Variants in COL4A4 observed in about 807,000 individuals in gnomAD.
The protein encoded by COL4A4 is collagen alpha-4(IV) chain.
Under a neutral mutation model 192.9 loss-of-function variants are expected in COL4A4, and 105 were observed. That is an observed-to-expected ratio of 0.54 (90% CI 0.46 to 0.64). COL4A4 has a LOEUF of 0.64. Among genes scored for constraint, COL4A4 ranks in the 30% least tolerant of loss-of-function variants. COL4A4 has a pLI of 0.00. For synonymous variants in COL4A4, 762 were observed against 769.9 expected (o/e 0.99, Z 0.17); for missense variants, 1,967 against 2,169.3 (o/e 0.91, Z 1.85).
rs1336268980 is a variant in COL4A4 at position 227,051,064 on chromosome 2, A to G, written c.3063T>C (p.Gly1021=). 1 of 1,614,082 alleles carries G rather than the reference A, an allele frequency of 6.2e-7. No individual in the cohort carries two copies. Among genetic ancestry groups the G allele is most frequent in the Non-Finnish European group, 8.5e-7 (1 of 1,180,018 alleles). ...CTGGGGGTCCAGGAGGCCCTGGCTG[A>G]CCTTTCTCACCAGGTTCCCCTCTGT... ...GFHRGEPGEK[G]QPGPPGPPGP... Residue 1021 remains glycine, a synonymous_variant, in exon 33 of 48, where the codon GGT becomes GGC. Transcript: ENST00000396625.
Position 227,047,024 on chromosome 2 carries a change from C to T in COL4A4, c.3289+451G>A, listed in dbSNP as rs144743100. The stretch of plus-strand genomic sequence containing the variant: ...ATTCAATGATGGCTCAACAATGGCG[C>T]ACCACTTACACTGGCATGTGCTTTT... On this transcript the variant is annotated intron_variant, in intron 35 of 47. Coordinates refer to ENST00000396625, the MANE Select transcript of COL4A4 (RefSeq NM_000092.5). 4.6e-3 allele frequency among the ~76,000 whole-genome samples: 697 copies of T among 152,160 alleles called. 2 individuals carry two copies. The highest frequency in any genetic ancestry group is 7.6e-3 in the Non-Finnish European group (515 of 68,036).
chr2:227,084,739 C>T (rs560358268), intron 22 of COL4A4, among the ~76,000 whole-genome samples: 5 of 152,120 alleles, frequency 3.3e-5, no homozygotes, highest in Non-Finnish European at 7.4e-5. Context: ...GGCAAAGGTT[C>T]TCAGCAGCTT....
At chr2:227,080,026 CA>C (rs2059235726) in intron 24 of COL4A4, among the ~76,000 whole-genome samples, 1 of 152,182 alleles carries the variant, frequency 6.6e-6, no homozygotes, top group African/African-American at 2.4e-5. Flanking sequence ...TTCACCCTTT[CA>C]TGCTCACTAC....
intron 44 of COL4A4, 42 bp from the exon 45 acceptor site, chr2:227,012,339 A>T: frequency 6.8e-7 from 1 of 1,480,316 alleles, no homozygotes. Flanking sequence ...AGCAACCATG[A>T]CACCTGCTAG....
At chr2:227,092,431 G>A (rs927768382) in intron 20 of COL4A4, among the ~76,000 whole-genome samples, 4 of 152,208 alleles carry the variant, frequency 2.6e-5, no homozygotes, top group Non-Finnish European at 5.9e-5. Context: ...CAGGATATTG[G>A]TAAAGGAAGA....
intron 8 of COL4A4, among the ~76,000 whole-genome samples, chr2:227,114,304 A>G (rs903353772): frequency 1.3e-5 from 2 of 151,910 alleles, no homozygotes; most frequent in Non-Finnish European, 2.9e-5. Context: ...ATTCTGCTCA[A>G]CATCCTATAA....
intron 4 of COL4A4, among the ~76,000 whole-genome samples, chr2:227,138,488 C>T (rs780506310): frequency 9.2e-5 from 14 of 151,928 alleles, no homozygotes; most frequent in African/African-American, 2.4e-4. Context: ...AAAAAATGAG[C>T]CAGGCATGGT....
intron 4 of COL4A4, among the ~76,000 whole-genome samples, chr2:227,136,018 C>CA (rs111529484): frequency 0.045 from 6,861 of 152,124 alleles, 460 homozygotes; most frequent in African/African-American, 0.14. Flanking sequence ...TCTCAAAGTA[C>CA]AAAAAATGAC....
intron 4 of COL4A4, among the ~76,000 whole-genome samples, chr2:227,131,860 C>T (rs1014109989): frequency 2.0e-5 from 3 of 152,080 alleles, no homozygotes; most frequent in South Asian, 2.1e-4. Flanking sequence ...GAAGTGAGGC[C>T]GCTAGGAACC....
intron 7 of COL4A4, among the ~76,000 whole-genome samples, chr2:227,115,269 C>CTTTTTTTTTTTTTTTTTT (rs1187419564): frequency 8.1e-6 from 1 of 123,968 alleles, no homozygotes; most frequent in Non-Finnish European, 1.6e-5. Context: ...TACTTTAATT[C>CTTTTTTTTTTTTTTTTTT]TTTTTTTTTT....
intron 34 of COL4A4, among the ~76,000 whole-genome samples, chr2:227,048,595 T>C (rs1973396046): frequency 6.6e-6 from 1 of 152,172 alleles, no homozygotes; most frequent in Non-Finnish European, 1.5e-5. Context: ...AAACCATGGA[T>C]TGACTAAGGG....
At chr2:227,017,935 T>C (rs1471545146) in intron 44 of COL4A4, among the ~76,000 whole-genome samples, 1 of 152,144 alleles carries the variant, frequency 6.6e-6, no homozygotes, top group Non-Finnish European at 1.5e-5. Flanking sequence ...AGTTATCTTT[T>C]TTGTCTACTT....
chr2:226,971,069 A>G, the COL4A4 span, among the ~76,000 whole-genome samples: 1 of 152,150 alleles, frequency 6.6e-6, no homozygotes, highest in Non-Finnish European at 1.5e-5. Context: ...ACTACTTTTA[A>G]TTTTATAGTT....
chr2:227,002,408 CTAA>C (rs1475672213), downstream of COL4A4, among the ~76,000 whole-genome samples: 1 of 152,236 alleles, frequency 6.6e-6, no homozygotes, highest in African/African-American at 2.4e-5. Flanking sequence ...TCTCACTCAA[CTAA>C]TGAGACAGCT....
the COL4A4 span, among the ~76,000 whole-genome samples, chr2:226,984,774 G>T: frequency 6.6e-6 from 1 of 152,296 alleles, no homozygotes; most frequent in Admixed American, 6.5e-5. Context: ...CATTCACTCA[G>T]TGCTAGGCCA....
intron 2 of COL4A4, among the ~76,000 whole-genome samples, chr2:227,145,348 G>A (rs2063482101): frequency 6.6e-6 from 1 of 152,176 alleles, no homozygotes; most frequent in South Asian, 2.1e-4. Context: ...TCCGGAGGCT[G>A]AGATAAGAGA....
chr2:227,107,537 T>C (rs1411221694), intron 12 of COL4A4, among the ~76,000 whole-genome samples: 3 of 152,178 alleles, frequency 2.0e-5, no homozygotes, highest in Admixed American at 6.5e-5. Context: ...CCTGTGCCGT[T>C]CTGTTAAATG....
At chr2:226,990,585 A>C in the COL4A4 span, among the ~76,000 whole-genome samples, 2 of 152,070 alleles carry the variant, frequency 1.3e-5, no homozygotes, top group South Asian at 4.2e-4. Flanking sequence ...ATGGCCATCA[A>C]CTCATGGTGT....
chr2:227,024,632 G>C (rs1425354675), intron 43 of COL4A4, among the ~76,000 whole-genome samples: 1 of 152,202 alleles, frequency 6.6e-6, no homozygotes, highest in Non-Finnish European at 1.5e-5. Context: ...TAACAACAAA[G>C]TTTTAGTCTC....
Sources: gnomAD v4.1 joint callset for allele counts (sites outside exome capture counted in the v4.1 genomes callset) on GRCh38, gnomAD v4.1.1 for gene constraint, MANE v1.5 for transcripts, NCBI Gene and HGNC (gene_info 2026-07-23, HGNC 2026-07-21) for gene names.